PSD2: variants seen among roughly 807,000 people sequenced by gnomAD.
PSD2 encodes the protein PH and SEC7 domain-containing protein 2.
PSD2 carries 38 observed loss-of-function variants against 69.8 expected under a neutral mutation model. The observed-to-expected ratio is 0.54, with a 90% confidence interval of 0.42 to 0.71. PSD2 has a LOEUF of 0.71. Among genes scored for constraint, PSD2 ranks in the 30% least tolerant of loss-of-function variants. The probability of loss-of-function intolerance (pLI) is 0.00; values close to 1 mark genes in which losing one functional copy is unlikely to be tolerated. For missense variants in PSD2, 943 were observed against 1,014.5 expected, an observed-to-expected ratio of 0.93 and a Z score of 0.96; for synonymous variants, 412 against 423.0, an observed-to-expected ratio of 0.97 and a Z score of 0.32.
intron 9 of PSD2, 70 bp downstream of exon 9, chr5:139,835,836 T>G: frequency 1.4e-6 from 2 of 1,464,140 alleles, no homozygotes; most frequent in Non-Finnish European, 1.9e-6. Flanking sequence ...GGGGTGCAGG[T>G]CCGACATTCT....
the PSD2 span, among the ~76,000 whole-genome samples, chr5:139,764,071 C>T: frequency 6.6e-6 from 1 of 152,226 alleles, no homozygotes; most frequent in Non-Finnish European, 1.5e-5. Context: ...GGAGTTCTCA[C>T]AGTGCTTCCC....
chr5:139,831,508 T>A (rs552849123), intron 7 of PSD2, among the ~76,000 whole-genome samples: 1 of 152,342 alleles, frequency 6.6e-6, no homozygotes, highest in Admixed American at 6.5e-5. Flanking sequence ...GTTTTAGAAT[T>A]CAATTTCCCT....
At chr5:139,756,176 C>A in the PSD2 span, among the ~76,000 whole-genome samples, 1 of 152,190 alleles carries the variant, frequency 6.6e-6, no homozygotes, top group Admixed American at 6.5e-5. Flanking sequence ...GGTTATTTCT[C>A]CCCCCTCTTC....
chr5:139,783,983 C>T, the PSD2 span, among the ~76,000 whole-genome samples: 1 of 102,260 alleles, frequency 9.8e-6, no homozygotes, highest in African/African-American at 4.0e-5. Context: ...CTTGTTCTGT[C>T]GCCCATGCTG....
intron 7 of PSD2, among the ~76,000 whole-genome samples, chr5:139,833,310 A>G (rs939402958): frequency 6.6e-6 from 1 of 152,004 alleles, no homozygotes; most frequent in African/African-American, 2.4e-5. Flanking sequence ...CCTGTATCTC[A>G]GTTTCCTTAC....
At position 139,840,036 on chromosome 5, in the gene PSD2, C is replaced by T. The variant is rs1469867165; in HGVS notation, c.1978C>T (p.Leu660=). Residue 660 remains leucine, a synonymous_variant, in exon 14 of 15, where the codon CTG becomes TTG. Coordinates refer to ENST00000274710, the MANE Select transcript of PSD2 (RefSeq NM_032289.4). ...GGATTTGTCTTTGCAGGAGGAGCAA[C>T]TGCGGTCTCATGAGAATAAGTTGAG... ...CTTRLCQEEQ[L]RSHENKLRQL... is the part of the protein sequence containing the mutation. 1.2e-6 allele frequency: 2 copies of T among 1,614,208 alleles called. No individual in the cohort carries two copies. The highest frequency in any genetic ancestry group is 1.1e-5 in the South Asian group (1 of 91,080).
At chr5:139,750,037 A>C in the PSD2 span, among the ~76,000 whole-genome samples, 2 of 149,106 alleles carry the variant, frequency 1.3e-5, no homozygotes, top group East Asian at 2.0e-4. Flanking sequence ...AAAAAAAAAA[A>C]AAACCAGGCT....
At chr5:139,788,069 G>C in the PSD2 span, among the ~76,000 whole-genome samples, 2 of 152,218 alleles carry the variant, frequency 1.3e-5, no homozygotes, top group African/African-American at 4.8e-5. Context: ...GCGGGCGAGC[G>C]GGGCTGCGCT....
At chr5:139,795,255 G>A (rs1759488621), upstream of PSD2, among the ~76,000 whole-genome samples, 1 of 152,158 alleles carries the variant, frequency 6.6e-6, no homozygotes, top group Non-Finnish European at 1.5e-5. The surrounding 1 kb of genome is among the most constrained non-coding windows in gnomAD (Gnocchi z 4.5). Context: ...CTAGGTCTCA[G>A]GGGCTCAGTC....
intron 5 of PSD2, among the ~76,000 whole-genome samples, chr5:139,820,704 T>A (rs1760237613): frequency 6.6e-6 from 1 of 152,210 alleles, no homozygotes; most frequent in Non-Finnish European, 1.5e-5. Flanking sequence ...CCCAAGGGAA[T>A]GACCTTTATA....
intron 7 of PSD2, among the ~76,000 whole-genome samples, chr5:139,825,973 A>G (rs1429306475): frequency 6.6e-6 from 1 of 152,180 alleles, no homozygotes; most frequent in Admixed American, 6.5e-5. Flanking sequence ...GCATCCAGGG[A>G]TGTCGGAGGA....
chr5:139,799,685 C>T (rs1257209272), intron 1 of PSD2, among the ~76,000 whole-genome samples: 3 of 151,978 alleles, frequency 2.0e-5, no homozygotes, highest in Non-Finnish European at 4.4e-5. Flanking sequence ...CAGCACAAGA[C>T]AGGGGGGACA....
At chr5:139,792,818 TTCCC>T (rs1010724130), upstream of PSD2, among the ~76,000 whole-genome samples, 1 of 150,000 alleles carries the variant, frequency 6.7e-6, no homozygotes, top group African/African-American at 2.5e-5. Context: ...TTTTCCTTCC[TTCCC>T]TTCCTTCCTT....
At chr5:139,752,729 CAT>C in the PSD2 span, among the ~76,000 whole-genome samples, 2 of 152,232 alleles carry the variant, frequency 1.3e-5, no homozygotes, top group Non-Finnish European at 2.9e-5. Flanking sequence ...CAGGCACACA[CAT>C]ACACACACGT....
intron 4 of PSD2, 99 bp from the exon 5 acceptor site, chr5:139,817,382 T>C: frequency 1.1e-6 from 1 of 885,742 alleles, no homozygotes; most frequent in Non-Finnish European, 1.8e-6. Context: ...GTCTAGGGGG[T>C]GGGTGGGTCC....
the PSD2 span, among the ~76,000 whole-genome samples, chr5:139,752,850 G>A: frequency 6.6e-6 from 1 of 152,194 alleles, no homozygotes; most frequent in African/African-American, 2.4e-5. Context: ...TAATTGAGTC[G>A]AGGGTGATTT....
At chr5:139,828,677 G>C (rs1014305167) in intron 7 of PSD2, among the ~76,000 whole-genome samples, 3 of 152,186 alleles carry the variant, frequency 2.0e-5, no homozygotes, top group African/African-American at 7.2e-5. Flanking sequence ...TCCTGCTTCT[G>C]AAATGACCCT....
At position 139,821,485 on chromosome 5, in the gene PSD2, A is replaced by G. The variant is rs146342387; in HGVS notation, c.1098-408A>G. 9.3e-3 allele frequency among the ~76,000 whole-genome samples: 1,422 copies of G among 152,276 alleles called. 10 individuals carry two copies. Among genetic ancestry groups the G allele is most frequent in the Non-Finnish European group, 0.014 (983 of 68,008 alleles). On this transcript the variant is annotated intron_variant, in intron 5 of 14. Transcript: ENST00000274710. ...GGGCCTGGGGCTCAGCTGGTGGCAC[A>G]TGAAAGAGAGGGGATGACTGAGGAG...
chr5:139,799,575 G>A (rs542511248), intron 1 of PSD2, among the ~76,000 whole-genome samples: 5 of 152,184 alleles, frequency 3.3e-5, no homozygotes, highest in Non-Finnish European at 7.3e-5. Context: ...GGGATGATGA[G>A]GCAGTTTGGA....
Sources: allele counts gnomAD v4.1 joint callset (sites outside exome capture counted in the v4.1 genomes callset), GRCh38; gene constraint gnomAD v4.1.1; non-coding constraint Gnocchi (gnomAD v3.1); transcripts MANE v1.5; gene names NCBI Gene and HGNC (gene_info 2026-07-23, HGNC 2026-07-21).